Variants in SENP7 observed in about 807,000 individuals in gnomAD.
SENP7 encodes the protein sentrin-specific protease 7.
A neutral mutation model predicts 141.2 loss-of-function variants in SENP7; 64 were observed. That is an observed-to-expected ratio of 0.45 (90% CI 0.37 to 0.56). The LOEUF is 0.56. Ranked by LOEUF, SENP7 falls within the 20% of genes least tolerant of loss-of-function variation. The pLI, the probability that SENP7 is intolerant of heterozygous loss-of-function variation, is 0.00. For missense variants in SENP7, 1,025 were observed against 1,212.2 expected, an observed-to-expected ratio of 0.85 and a Z score of 2.29; for synonymous variants, 382 against 426.4, an observed-to-expected ratio of 0.90 and a Z score of 1.28.
At chr3:101,372,437 T>C (rs368280249) in intron 6 of SENP7, among the ~76,000 whole-genome samples, 4 of 152,146 alleles carry the variant, frequency 2.6e-5, no homozygotes, top group South Asian at 2.1e-4. Flanking sequence ...AAAAGTAAAA[T>C]TCCAAGGACA....
intron 13 of SENP7, 38 bp downstream of exon 13, chr3:101,347,834 C>A: frequency 9.4e-7 from 1 of 1,059,370 alleles, no homozygotes; most frequent in South Asian, 2.9e-5. Context: ...ATGACAATTT[C>A]AAGTTATCCT....
chr3:101,376,263 C>T (rs892352087), intron 6 of SENP7, among the ~76,000 whole-genome samples: 3 of 151,950 alleles, frequency 2.0e-5, no homozygotes, highest in African/African-American at 7.3e-5. Context: ...GGAAAAAGTC[C>T]TGGAAAAGAA....
chr3:101,357,607 G>A, intron 11 of SENP7: 1 of 990,908 alleles, frequency 1.0e-6, no homozygotes, highest in South Asian at 1.4e-5. Flanking sequence ...GTAAAAGTGT[G>A]GATGAGTGTA....
chr3:101,349,403 C>G (rs1299431480), intron 12 of SENP7, among the ~76,000 whole-genome samples: 1 of 152,124 alleles, frequency 6.6e-6, no homozygotes, highest in Non-Finnish European at 1.5e-5. Flanking sequence ...AGAATGAAAG[C>G]TAAATTTTCT....
At chr3:101,358,052 A>T in intron 11 of SENP7, 1 of 649,794 alleles carries the variant, frequency 1.5e-6, no homozygotes, top group South Asian at 1.7e-5. Flanking sequence ...TTCATCCTCA[A>T]CCCTTATTAA....
chr3:101,394,208 A>C lies in SENP7; in HGVS notation c.677+4653T>G, dbSNP rs535185342. On this transcript the variant is annotated intron_variant, in intron 6 of 23. Transcript: ENST00000394095. Reference sequence around the variant, plus strand: ...ATGTGAGAGAGAACATCCAACATTTATCTTTCTGTGCCTGTCTTATTTCAT... The same window carrying C: ...ATGTGAGAGAGAACATCCAACATTTCTCTTTCTGTGCCTGTCTTATTTCAT... Among the ~76,000 whole-genome samples, 3 of 152,172 alleles carry C rather than the reference A, an allele frequency of 2.0e-5. No individual in the cohort carries two copies. The East Asian group carries it at 5.8e-4, about 29-fold the overall frequency.
intron 2 of SENP7, among the ~76,000 whole-genome samples, chr3:101,499,181 A>C (rs1282251936): frequency 6.6e-6 from 1 of 152,190 alleles, no homozygotes; most frequent in African/African-American, 2.4e-5. Context: ...TACATCTAAA[A>C]ATCAGAGAAA....
At chr3:101,382,849 C>T (rs1013959712) in intron 6 of SENP7, among the ~76,000 whole-genome samples, 4 of 152,078 alleles carry the variant, frequency 2.6e-5, no homozygotes, top group South Asian at 2.1e-4. Flanking sequence ...GCAAAATAAA[C>T]TAAAAGTCTT....
At chr3:101,503,982 A>G (rs2065490757) in intron 1 of SENP7, among the ~76,000 whole-genome samples, 2 of 152,040 alleles carry the variant, frequency 1.3e-5, no homozygotes. Flanking sequence ...ACTATACACT[A>G]AAGATATGTG....
intron 11 of SENP7, chr3:101,357,574 C>T (rs2107317407): frequency 8.1e-7 from 1 of 1,232,516 alleles, no homozygotes; most frequent in Non-Finnish European, 1.1e-6. Context: ...GTGGACATGA[C>T]AATTTACAGT....
intron 13 of SENP7, among the ~76,000 whole-genome samples, chr3:101,345,758 A>T (rs1396686601): frequency 6.6e-6 from 1 of 152,222 alleles, no homozygotes; most frequent in Non-Finnish European, 1.5e-5. Context: ...ACCTTATACA[A>T]AAATCAACTC....
Position 101,326,014 on chromosome 3 carries a change from T to C in SENP7, c.3082A>G (p.Thr1028Ala). The C allele has an allele frequency of 6.2e-7, 1 of 1,611,154 alleles. No homozygotes were observed. Among genetic ancestry groups the C allele is most frequent in the South Asian group, 1.1e-5 (1 of 90,798 alleles). Residue 1028 changes from threonine (T) to alanine (A), a missense_variant, in exon 24 of 24, where the codon ACC becomes GCC. Thr to Ala is a moderately conservative substitution (Grantham distance 58, BLOSUM62 0). Around this residue, in one of 4 missense-constraint regions of SENP7, gnomAD observed 295 missense variants for 459.1 expected, o/e 0.64. Transcript: ENST00000394095. ...AGCTCTCGAATATCTTCCCGTTTGG[T>C]CTTTATTACATGACGAGGAAACCAC... ...EKWFPRHVIK[T>A]KREDIRELIL...
rs2059425969 is a variant in SENP7, at chr3:101,345,147, G to A, written c.1838-1193C>T. Reference sequence around the variant, plus strand: ...ATAGTTTGAAATCAGGTAATATGATGACTCCAGATTTGTTCTTTTTGCTTA... The same window carrying A: ...ATAGTTTGAAATCAGGTAATATGATAACTCCAGATTTGTTCTTTTTGCTTA... On this transcript the variant is annotated intron_variant, in intron 13 of 23. Coordinates refer to ENST00000394095, the MANE Select transcript of SENP7 (RefSeq NM_020654.5). 2.0e-5 allele frequency among the ~76,000 whole-genome samples: 3 copies of A among 152,092 alleles called. No individual in the cohort carries two copies. In the South Asian group the frequency reaches 6.2e-4, roughly 32 times the overall value.
At chr3:101,340,459 C>A (rs2059301003) in intron 15 of SENP7, 6 of 408,838 alleles carry the variant, frequency 1.5e-5, no homozygotes, top group Non-Finnish European at 2.5e-5. Context: ...TAATAGGCTA[C>A]TATCTGAATT....
intron 4 of SENP7, among the ~76,000 whole-genome samples, chr3:101,420,519 C>T (rs2061760801): frequency 1.3e-5 from 2 of 152,164 alleles, no homozygotes; most frequent in Non-Finnish European, 2.9e-5. Context: ...ATTTATAATG[C>T]CACAAATATC....
intron 4 of SENP7, among the ~76,000 whole-genome samples, chr3:101,433,090 A>T (rs1025646657): frequency 6.6e-6 from 1 of 152,240 alleles, no homozygotes; most frequent in African/African-American, 2.4e-5. Flanking sequence ...TATAAATAGA[A>T]GCAACAAAAA....
At chr3:101,410,855 T>TAAAATAAAATA (rs1204164169) in intron 5 of SENP7, among the ~76,000 whole-genome samples, 3 of 148,440 alleles carry the variant, frequency 2.0e-5, no homozygotes, top group African/African-American at 4.9e-5. Flanking sequence ...AAAAATAAAA[T>TAAAATAAAATA]AAAATAAAAT....
chr3:101,409,434 A>C (rs1477950896), intron 5 of SENP7, among the ~76,000 whole-genome samples: 1 of 152,206 alleles, frequency 6.6e-6, no homozygotes, highest in Non-Finnish European at 1.5e-5. Flanking sequence ...AATTAGAAAA[A>C]ACAATTATAA....
At chr3:101,352,557 G>A (rs1393887281) in intron 11 of SENP7, among the ~76,000 whole-genome samples, 1 of 151,898 alleles carries the variant, frequency 6.6e-6, no homozygotes, top group Admixed American at 6.6e-5. Flanking sequence ...TTTATAATAG[G>A]GTTGTGGAGC....
Sources: allele counts gnomAD v4.1 joint callset (sites outside exome capture counted in the v4.1 genomes callset), GRCh38; gene constraint gnomAD v4.1.1; regional missense constraint gnomAD v4.1.1; transcripts MANE v1.5; gene names NCBI Gene and HGNC (gene_info 2026-07-23, HGNC 2026-07-21).